The following LETM1 variants were observed in gnomAD, a reference collection of about 807,000 sequenced individuals.
The protein encoded by LETM1 is mitochondrial proton/calcium exchanger protein.
LETM1 carries 50 observed loss-of-function variants against 74.5 expected under a neutral mutation model. That is an observed-to-expected ratio of 0.67 (90% CI 0.53 to 0.85). The LOEUF (loss-of-function observed/expected upper bound fraction) is 0.85, where lower values mean the gene tolerates loss of function less well. LETM1 is among the 40% of genes least tolerant of loss of function. The pLI, the probability that LETM1 is intolerant of heterozygous loss-of-function variation, is 0.00. For missense variants in LETM1, 824 were observed against 967.8 expected (o/e 0.85, Z 1.97); for synonymous variants, 446 against 407.1 (o/e 1.10, Z -1.15).
Position 1,848,009 on chromosome 4 carries a change from T to TAAA in LETM1, c.143+1137_143+1139dup, listed in dbSNP as rs910869269. Among the ~76,000 whole-genome samples, 84 of 122,986 alleles carry TAAA rather than the reference T, an allele frequency of 6.8e-4. 1 individual carries two copies. In the South Asian group the frequency reaches 0.018, roughly 27 times the overall value. The allele number at this position is 122,986 out of a possible 152,430, so 80.7% of individuals were successfully genotyped here. On this transcript the variant is annotated intron_variant, in intron 2 of 13. Transcript: ENST00000302787. ...GACTCTGTCTCAAAAAAAATAAAAATAAAAAAAAAAAAGAAAATGCAACCT... is the reference window on the plus strand; with the variant it reads ...GACTCTGTCTCAAAAAAAATAAAAATAAAAAAAAAAAAAAAGAAAATGCAACCT...
At chr4:1,823,270 A>C in intron 8 of LETM1, 139 bp from the exon 9 acceptor site, 1 of 1,199,230 alleles carries the variant, frequency 8.3e-7, no homozygotes, top group Non-Finnish European at 1.2e-6. Context: ...GGCACTGCCG[A>C]GGTGCTGCCC....
intron 13 of LETM1, 50 bp downstream of exon 13, chr4:1,815,614 C>A (rs1029735390): frequency 5.6e-6 from 9 of 1,604,756 alleles, no homozygotes; most frequent in Admixed American, 3.4e-5. Context: ...TGCCCCACCC[C>A]ACTCCAGAGC....
Position 1,856,063 on chromosome 4 carries a change from CAG to C in LETM1, c.-115_-114del, listed in dbSNP as rs1713232911. Reference sequence around the variant, plus strand: ...AGACCCGGCCCGCGCGGACGGCTGACAGAGGCGGCTGGCCTCGGACGGGAGGC... The same window carrying C: ...AGACCCGGCCCGCGCGGACGGCTGACAGGCGGCTGGCCTCGGACGGGAGGC... On this transcript the variant is annotated 5_prime_UTR_variant, in exon 1 of 14. Coordinates refer to ENST00000302787, the MANE Select transcript of LETM1 (RefSeq NM_012318.3). 1 of 606,560 alleles carries C rather than the reference CAG, an allele frequency of 1.6e-6. No individual in the cohort carries two copies. The highest frequency in any genetic ancestry group is 2.3e-6 in the Non-Finnish European group (1 of 430,282). 37.6% of individuals were successfully genotyped at this position (606,560 alleles called of 1,614,324 possible). A position where few individuals can be genotyped will look rare whatever the true frequency, so the allele number is the denominator to read the frequency against.
Position 1,823,190 on chromosome 4 carries a change from C to T in LETM1, c.1333-59G>A, listed in dbSNP as rs1711850918. ...GAAGCCACCAGAGGCCCCTGCTGCC[C>T]CTCACCTCTGTCCTGTGTCCTGTGT... On this transcript the variant is annotated intron_variant, in intron 8 of 13. Coordinates refer to ENST00000302787, the MANE Select transcript of LETM1 (RefSeq NM_012318.3). 6.6e-6 allele frequency: 10 copies of T among 1,523,536 alleles called. No individual in the cohort carries two copies. In the East Asian group the frequency reaches 2.4e-4, roughly 36 times the overall value. 94.4% of individuals were successfully genotyped at this position (1,523,536 alleles called of 1,614,324 possible). A position where few individuals can be genotyped will look rare whatever the true frequency, so the allele number is the denominator to read the frequency against.
At chr4:1,847,824 CAAAAAAAAA>C (rs778839346) in intron 2 of LETM1, among the ~76,000 whole-genome samples, 1 of 41,922 alleles carries the variant, frequency 2.4e-5, no homozygotes, top group Non-Finnish European at 4.7e-5. Context: ...AACTCGGTCT[CAAAAAAAAA>C]AAAAAAAAAA....
chr4:1,818,791 T>G (rs1711670317), intron 11 of LETM1, among the ~76,000 whole-genome samples: 1 of 151,072 alleles, frequency 6.6e-6, no homozygotes, highest in East Asian at 2.0e-4. Context: ...GTTTAGAAAC[T>G]AAAAGATGTG....
In LETM1 at chr4:1,834,705, C is replaced by T. The variant is rs371751461; in HGVS notation, c.876+140G>A. 3.7e-5 allele frequency: 56 copies of T among 1,498,328 alleles called. No individual in the cohort carries two copies. The highest frequency in any genetic ancestry group is 2.1e-4 in the East Asian group (9 of 42,678). 92.8% of individuals were successfully genotyped at this position (1,498,328 alleles called of 1,614,324 possible). On this transcript the variant is annotated intron_variant, in intron 5 of 13. Coordinates refer to ENST00000302787, the MANE Select transcript of LETM1 (RefSeq NM_012318.3). The surrounding 1 kb of genome is among the most constrained non-coding windows in gnomAD (Gnocchi z 5.0). ...AGACTCCTGACACTCCACTGGCCCC[C>T]GACTGAGCCTCCTGGGTAAACTTTC...
chr4:1,842,365 T>A (rs1025841874), intron 2 of LETM1, among the ~76,000 whole-genome samples: 3 of 152,026 alleles, frequency 2.0e-5, no homozygotes, highest in African/African-American at 7.3e-5. Context: ...CCAAGGCCCA[T>A]CTCCTCCTCC....
chr4:1,855,886 CGAGGCGGCGGCGG>C lies in LETM1; in HGVS notation c.52_64del (p.Pro18GlyfsTer23). ...CCGCTTACCCCGCGGGACGGTGTAC[CGAGGCGGCGGCGG>C]GAGGCGGGCGGGCGCCCGGCCGCGG... On this transcript the variant is annotated frameshift_variant, in exon 1 of 14. Coordinates refer to ENST00000302787, the MANE Select transcript of LETM1 (RefSeq NM_012318.3). LOFTEE classifies it high-confidence loss of function. The C allele has an allele frequency of 8.1e-7, 1 of 1,239,190 alleles. No individual in the cohort carries two copies. Among genetic ancestry groups the C allele is most frequent in the African/African-American group, 1.6e-5 (1 of 63,726 alleles). The allele number at this position is 1,239,190 out of a possible 1,614,324, so 76.8% of individuals were successfully genotyped here.
Position 1,855,965 on chromosome 4 carries a change from C to T in LETM1, c.-15G>A. The T allele has an allele frequency of 8.3e-7, 1 of 1,205,802 alleles. No individual in the cohort carries two copies. 74.7% of individuals were successfully genotyped at this position (1,205,802 alleles called of 1,614,324 possible). Reference sequence around the variant, plus strand: ...ATGGACGCCATGTGCTCGGGCGCGGCGGCCGCTCCGGCCTCCTGCGCTGCC... The same window carrying T: ...ATGGACGCCATGTGCTCGGGCGCGGTGGCCGCTCCGGCCTCCTGCGCTGCC... On this transcript the variant is annotated 5_prime_UTR_variant, in exon 1 of 14. Transcript: ENST00000302787.
At chr4:1,824,267 G>A (rs1159974841) in intron 7 of LETM1, among the ~76,000 whole-genome samples, 2 of 152,210 alleles carry the variant, frequency 1.3e-5, no homozygotes, top group Non-Finnish European at 2.9e-5. Flanking sequence ...GTTGTTTCAA[G>A]CCGAAATCGC....
rs1712463650 is a variant in LETM1, at chr4:1,836,401, A to C, written c.738+28T>G. On this transcript the variant is annotated intron_variant, in intron 4 of 13. Coordinates refer to ENST00000302787, the MANE Select transcript of LETM1 (RefSeq NM_012318.3). The surrounding 1 kb of genome is among the most constrained non-coding windows in gnomAD (Gnocchi z 5.8). ...CACAATGAATTTCAGACTCATTCTA[A>C]AACAAGCAGTTGGGATGCTGCCCTT... The C allele has an allele frequency of 6.2e-7, 1 of 1,612,192 alleles. No homozygotes were observed. Among genetic ancestry groups the C allele is most frequent in the African/African-American group, 1.3e-5 (1 of 74,966 alleles).
chr4:1,835,032 G>T, intron 4 of LETM1, 50 bp from the exon 5 acceptor site: 1 of 1,588,916 alleles, frequency 6.3e-7, no homozygotes. Context: ...ACTGTGGTTC[G>T]GGCAAGGAAA....
Position 1,814,363 on chromosome 4 carries a change from C to T in LETM1, c.*61G>A. 2 of 1,610,762 alleles carry T rather than the reference C, an allele frequency of 1.2e-6. No homozygotes were observed. The highest frequency in any genetic ancestry group is 1.1e-5 in the South Asian group (1 of 90,980). ...ACTGAGAATCACCACAAAGCAATCG[C>T]CCTCACGGCCCTTGCCAGGGTGACG... is the stretch of plus-strand genomic sequence containing the variant. On this transcript the variant is annotated 3_prime_UTR_variant, in exon 14 of 14. Transcript: ENST00000302787.
chr4:1,854,190 T>G (rs547139725), intron 1 of LETM1, among the ~76,000 whole-genome samples: 80 of 152,248 alleles, frequency 5.3e-4, no homozygotes, highest in Non-Finnish European at 9.1e-4. Context: ...TTGTAAAAAT[T>G]ACAAGAATTG....
intron 1 of LETM1, among the ~76,000 whole-genome samples, chr4:1,855,538 T>C (rs923734136): frequency 1.3e-5 from 2 of 152,246 alleles, no homozygotes; most frequent in African/African-American, 4.8e-5. Flanking sequence ...ACGGCCGTCC[T>C]CGTGCGTGGA....
chr4:1,822,396 A>T, intron 9 of LETM1, 84 bp from the exon 10 acceptor site: 1 of 1,316,308 alleles, frequency 7.6e-7, no homozygotes. Flanking sequence ...AACATATGGC[A>T]GAGGCCACAC....
At chr4:1,818,087 G>A (rs1190411552) in intron 11 of LETM1, among the ~76,000 whole-genome samples, 1 of 152,128 alleles carries the variant, frequency 6.6e-6, no homozygotes, top group Non-Finnish European at 1.5e-5. Flanking sequence ...AGCCTTAAGT[G>A]TCTTTTTAAA....
intron 3 of LETM1, among the ~76,000 whole-genome samples, chr4:1,838,576 CTGAGGTAGGAGGA>C (rs750006897): frequency 1.8e-4 from 28 of 152,170 alleles, no homozygotes; most frequent in Admixed American, 2.6e-4. Context: ...ACACTGGAGG[CTGAGGTAGGAGGA>C]TCCCTTATGC....
Sources: allele counts gnomAD v4.1 joint callset (sites outside exome capture counted in the v4.1 genomes callset), GRCh38; gene constraint gnomAD v4.1.1; non-coding constraint Gnocchi (gnomAD v3.1); transcripts MANE v1.5; gene names NCBI Gene and HGNC (gene_info 2026-07-23, HGNC 2026-07-21).